The following ZNF33A variants were observed in gnomAD, a reference collection of about 807,000 sequenced individuals.
ZNF33A encodes brain my041 protein.
In ZNF33A, 9 loss-of-function variants were observed where a neutral mutation model predicts 15.9. The ratio of observed to expected loss-of-function variants is 0.57; its 90% confidence interval spans 0.34 to 0.99. The LOEUF (loss-of-function observed/expected upper bound fraction) is 0.99, where lower values mean the gene tolerates loss of function less well. ZNF33A is among the 50% of genes least tolerant of loss of function. ZNF33A has a pLI of 0.02. For missense variants in ZNF33A, 843 were observed against 941.6 expected (o/e 0.90, Z 1.37); for synonymous variants, 294 against 324.2 (o/e 0.91, Z 1.00).
At chr10:38,015,387 C>T (rs936588823) in intron 2 of ZNF33A, among the ~76,000 whole-genome samples, 5 of 152,052 alleles carry the variant, frequency 3.3e-5, no homozygotes, top group African/African-American at 4.8e-5. Flanking sequence ...CTCACTGCAA[C>T]GTCTGCCTCC....
At chr10:38,017,433 T>C (rs749202143) in intron 4 of ZNF33A, 47 bp downstream of exon 4, 11 of 1,475,278 alleles carry the variant, frequency 7.5e-6, no homozygotes, top group Non-Finnish European at 1.0e-5. Context: ...GATTTGTTGT[T>C]TCCCAGTAGT....
intron 4 of ZNF33A, among the ~76,000 whole-genome samples, chr10:38,026,821 A>C (rs1182686362): frequency 2.0e-5 from 3 of 152,164 alleles, no homozygotes; most frequent in Non-Finnish European, 4.4e-5. Context: ...CATCATTCCA[A>C]ACAGAAACTG....
intron 2 of ZNF33A, among the ~76,000 whole-genome samples, chr10:38,016,251 T>A (rs531984831): frequency 6.6e-6 from 1 of 152,216 alleles, no homozygotes; most frequent in Non-Finnish European, 1.5e-5. Context: ...TAAATATAAA[T>A]CTGTAGTTCT....
chr10:38,031,308 G>A (rs1347305804), intron 4 of ZNF33A, among the ~76,000 whole-genome samples: 1 of 152,114 alleles, frequency 6.6e-6, no homozygotes, highest in South Asian at 2.1e-4. Flanking sequence ...GGTGGCATAT[G>A]CCTGTAATCT....
chr10:38,016,588 A>AT lies in ZNF33A; in HGVS notation c.10-281dup, dbSNP rs576165360. On this transcript the variant is annotated intron_variant, in intron 2 of 4. Coordinates refer to ENST00000432900, the MANE Select transcript of ZNF33A (RefSeq NM_006954.2). Reference sequence around the variant, plus strand: ...ACTTTCACCTTAGTACTTGTAACATATTACCACACATATTTTCTTACCACT... The same window carrying AT: ...ACTTTCACCTTAGTACTTGTAACATATTTACCACACATATTTTCTTACCACT... Among the ~76,000 whole-genome samples the AT allele has an allele frequency of 4.5e-3, 681 of 152,310 alleles. 1 individual carries two copies. Among genetic ancestry groups the AT allele is most frequent in the Non-Finnish European group, 6.4e-3 (432 of 68,026 alleles).
downstream of ZNF33A, among the ~76,000 whole-genome samples, chr10:38,061,774 A>C (rs534185431): frequency 2.6e-5 from 4 of 152,248 alleles, no homozygotes; most frequent in Admixed American, 2.6e-4. Flanking sequence ...TAGCCTGGCC[A>C]ACATGGTGAA....
At chr10:38,035,246 T>C (rs1158002958) in intron 4 of ZNF33A, among the ~76,000 whole-genome samples, 1 of 148,936 alleles carries the variant, frequency 6.7e-6, no homozygotes, top group Non-Finnish European at 1.5e-5. Context: ...GCTTCTCAAG[T>C]AGCCGGGACT....
chr10:38,049,109 A>G (rs1183659887), intron 4 of ZNF33A, among the ~76,000 whole-genome samples: 1 of 152,192 alleles, frequency 6.6e-6, no homozygotes, highest in Non-Finnish European at 1.5e-5. Flanking sequence ...TAGTTAAATT[A>G]AAAATCAATA....
At chr10:38,043,709 A>G (rs2065818030) in intron 4 of ZNF33A, among the ~76,000 whole-genome samples, 1 of 152,082 alleles carries the variant, frequency 6.6e-6, no homozygotes, top group African/African-American at 2.4e-5. Context: ...GTCACTGAAT[A>G]TGTCATCCTG....
At chr10:38,015,427 TGGTGTCTCAGCG>T (rs1024481054) in intron 2 of ZNF33A, among the ~76,000 whole-genome samples, 2 of 152,156 alleles carry the variant, frequency 1.3e-5, no homozygotes, top group Non-Finnish European at 2.9e-5. Context: ...TGTCTCAGCC[TGGTGTCTCAGCG>T]GGTGTCTCAG....
In ZNF33A at chr10:38,055,233, C is replaced by G; in HGVS notation, c.1109C>G (p.Ser370Ter). 1 of 1,614,116 alleles carries G rather than the reference C, an allele frequency of 6.2e-7. No individual in the cohort carries two copies. The highest frequency in any genetic ancestry group is 1.1e-5 in the South Asian group (1 of 91,086). Reference protein sequence around the residue: ...NECEKAFWDKSNLTKHQRSHT... With the variant: ...NECEKAFWDK The stretch of plus-strand genomic sequence containing the variant: ...TGTGAAAAAGCTTTCTGGGATAAGT[C>G]AAACCTCACTAAACATCAAAGATCA... The change falls in exon 5 of 5, where the codon TCA becomes TGA. Residue 370 changes from serine (S) to a stop codon, truncating the protein, a stop_gained. Transcript: ENST00000432900. LOFTEE classifies it low-confidence loss of function (END_TRUNC).
intron 4 of ZNF33A, among the ~76,000 whole-genome samples, chr10:38,053,097 A>G (rs1206839297): frequency 2.0e-5 from 3 of 149,228 alleles, no homozygotes; most frequent in African/African-American, 7.4e-5. Context: ...TTCTTGTTTC[A>G]TTCTCCTTTG....
At chr10:38,015,425 C>G (rs1250914694) in intron 2 of ZNF33A, among the ~76,000 whole-genome samples, 2 of 152,082 alleles carry the variant, frequency 1.3e-5, no homozygotes, top group Non-Finnish European at 2.9e-5. Flanking sequence ...CCTGTCTCAG[C>G]CTGGTGTCTC....
chr10:38,061,950 G>A (rs564495518), downstream of ZNF33A, among the ~76,000 whole-genome samples: 32 of 152,192 alleles, frequency 2.1e-4, no homozygotes, highest in African/African-American at 7.5e-4. Context: ...GAGCAAGACC[G>A]TCTCAAAACA....
chr10:38,048,048 G>A (rs1243915894), intron 4 of ZNF33A, among the ~76,000 whole-genome samples: 5 of 152,150 alleles, frequency 3.3e-5, no homozygotes, highest in Non-Finnish European at 4.4e-5. Context: ...AAAACTCAAC[G>A]TAGAGTTATA....
chr10:38,016,982 A>T lies in ZNF33A; in HGVS notation c.121A>T (p.Met41Leu), dbSNP rs755075195. The T allele has an allele frequency of 6.2e-7, 1 of 1,609,832 alleles. No homozygotes were observed. ...PSQRALYRDV[M>L]LENYSNLVSV... ...TCAGAGGGCTCTGTATAGAGATGTG[A>T]TGCTGGAGAACTACAGCAACCTTGT... Residue 41 changes from methionine to leucine, a missense_variant, in exon 3 of 5, where the codon ATG becomes TTG. Coordinates refer to ENST00000432900, the MANE Select transcript of ZNF33A (RefSeq NM_006954.2).
intron 4 of ZNF33A, among the ~76,000 whole-genome samples, chr10:38,031,603 A>T (rs540229896): frequency 1.3e-5 from 2 of 151,718 alleles, no homozygotes; most frequent in African/African-American, 4.8e-5. Context: ...AAAAAAAAGA[A>T]TTGTCTCCAA....
intron 4 of ZNF33A, among the ~76,000 whole-genome samples, chr10:38,036,065 A>G (rs1564853814): frequency 6.6e-6 from 1 of 152,220 alleles, no homozygotes; most frequent in Non-Finnish European, 1.5e-5. Flanking sequence ...ATAAATATAG[A>G]TGCAAAAATC....
At chr10:38,018,231 T>A (rs1186549362) in intron 4 of ZNF33A, among the ~76,000 whole-genome samples, 1 of 152,228 alleles carries the variant, frequency 6.6e-6, no homozygotes, top group Admixed American at 6.5e-5. Flanking sequence ...TGGCTGAATG[T>A]GGTACTTTAA....
Sources: gnomAD v4.1 joint callset for allele counts (sites outside exome capture counted in the v4.1 genomes callset) on GRCh38, gnomAD v4.1.1 for gene constraint, MANE v1.5 for transcripts, NCBI Gene and HGNC (gene_info 2026-07-23, HGNC 2026-07-21) for gene names.